AMD1: variants seen among roughly 807,000 people sequenced by gnomAD.
AMD1 encodes the protein adenosylmethionine decarboxylase 1.
In AMD1, 11 loss-of-function variants were observed where a neutral mutation model predicts 40.2. That is an observed-to-expected ratio of 0.27 (90% confidence interval 0.17 to 0.45). The LOEUF is 0.45. Ranked by LOEUF, AMD1 falls within the 20% of genes least tolerant of loss-of-function variation. The pLI is 1.00. For missense variants in AMD1, 257 were observed against 410.2 expected, an observed-to-expected ratio of 0.63 and a Z score of 3.23; for synonymous variants, 121 against 130.8, an observed-to-expected ratio of 0.93 and a Z score of 0.51.
At chr6:110,827,671 A>G in the AMD1 span, among the ~76,000 whole-genome samples, 1 of 151,644 alleles carries the variant, frequency 6.6e-6, no homozygotes, top group Admixed American at 6.6e-5. Context: ...AGGTTGAGGC[A>G]GGAGAATTGC....
chr6:110,859,418 C>T, the AMD1 span, among the ~76,000 whole-genome samples: 1 of 152,124 alleles, frequency 6.6e-6, no homozygotes, highest in African/African-American at 2.4e-5. Flanking sequence ...GTGGGCCGAG[C>T]AGTGCTGGGG....
At chr6:110,816,141 T>C in the AMD1 span, among the ~76,000 whole-genome samples, 1 of 152,354 alleles carries the variant, frequency 6.6e-6, no homozygotes, top group Middle Eastern at 3.4e-3. Flanking sequence ...ATGCAACTTC[T>C]GAGCCCCAGC....
the AMD1 span, among the ~76,000 whole-genome samples, chr6:110,827,878 T>A: frequency 6.6e-6 from 1 of 152,220 alleles, no homozygotes; most frequent in Non-Finnish European, 1.5e-5. Flanking sequence ...CAAATTTCAT[T>A]CTTAAACATT....
At chr6:110,850,094 T>C in the AMD1 span, among the ~76,000 whole-genome samples, 1 of 151,232 alleles carries the variant, frequency 6.6e-6, no homozygotes. Flanking sequence ...CCAGAGAAGT[T>C]CCACAATAAC....
chr6:110,876,383 C>A (rs1245633617), intron 1 of AMD1, among the ~76,000 whole-genome samples: 6 of 152,302 alleles, frequency 3.9e-5, no homozygotes, highest in Admixed American at 3.9e-4. Context: ...GACCAATGGG[C>A]TCCTGGGCCG....
At chr6:110,883,899 A>G (rs2341567) in intron 1 of AMD1, among the ~76,000 whole-genome samples, 20 of 152,156 alleles carry the variant, frequency 1.3e-4, no homozygotes, top group African/African-American at 4.8e-4. Context: ...CCAAAGCCCT[A>G]TTTTTATAGG....
At chr6:110,883,750 C>A (rs1336988547) in intron 1 of AMD1, among the ~76,000 whole-genome samples, 1 of 151,980 alleles carries the variant, frequency 6.6e-6, no homozygotes, top group Non-Finnish European at 1.5e-5. Flanking sequence ...CGCCACCATG[C>A]CCAGCTAATT....
the AMD1 span, among the ~76,000 whole-genome samples, chr6:110,850,947 A>G: frequency 6.6e-6 from 1 of 152,178 alleles, no homozygotes; most frequent in Non-Finnish European, 1.5e-5. Context: ...ATAAAAGGTT[A>G]TATAATATTT....
At chr6:110,893,173 C>T in intron 8 of AMD1, 108 bp downstream of exon 8, 2 of 1,034,664 alleles carry the variant, frequency 1.9e-6, no homozygotes, top group Non-Finnish European at 2.8e-6. Context: ...ATACCAGCCA[C>T]TCAGATATCC....
At chr6:110,874,783 T>C (rs1785003700), upstream of AMD1, 1 of 208,864 alleles carries the variant, frequency 4.8e-6, no homozygotes, top group South Asian at 1.1e-4. Flanking sequence ...CGCAGCGCTC[T>C]CGCTTACACA....
the AMD1 span, among the ~76,000 whole-genome samples, chr6:110,867,277 T>C: frequency 6.6e-6 from 1 of 152,028 alleles, no homozygotes; most frequent in Non-Finnish European, 1.5e-5. Context: ...GCTTCCCAAA[T>C]AGCTGGGACT....
At chr6:110,881,205 A>T (rs1562335901) in intron 1 of AMD1, among the ~76,000 whole-genome samples, 2 of 152,156 alleles carry the variant, frequency 1.3e-5, no homozygotes, top group African/African-American at 4.8e-5. Flanking sequence ...AAATTAGGGT[A>T]TCTCAACCTC....
At chr6:110,871,984 A>T (rs1784925970), upstream of AMD1, among the ~76,000 whole-genome samples, 1 of 152,186 alleles carries the variant, frequency 6.6e-6, no homozygotes, top group Non-Finnish European at 1.5e-5. Context: ...AAAAAGAGAG[A>T]TGTCACGAAA....
At chr6:110,872,579 ATATT>A, upstream of AMD1, among the ~76,000 whole-genome samples, 1 of 152,204 alleles carries the variant, frequency 6.6e-6, no homozygotes, top group Non-Finnish European at 1.5e-5. Context: ...GTTCAGGAAA[ATATT>A]TAAGCAAAGA....
At chr6:110,855,332 A>G in the AMD1 span, among the ~76,000 whole-genome samples, 2 of 152,184 alleles carry the variant, frequency 1.3e-5, no homozygotes, top group Admixed American at 1.3e-4. Context: ...ACCTGCAACC[A>G]GGATTTAATA....
chr6:110,849,475 C>G, the AMD1 span, among the ~76,000 whole-genome samples: 1 of 152,242 alleles, frequency 6.6e-6, no homozygotes, highest in South Asian at 2.1e-4. Flanking sequence ...TTAAAAAGGG[C>G]TAACTTGAAG....
At chr6:110,885,803 T>C (rs921756577) in intron 1 of AMD1, among the ~76,000 whole-genome samples, 2 of 152,206 alleles carry the variant, frequency 1.3e-5, no homozygotes, top group African/African-American at 4.8e-5. Flanking sequence ...TGGATGGGTA[T>C]TGGTACGCAG....
chr6:110,859,088 G>C, the AMD1 span: 2 of 1,293,564 alleles, frequency 1.5e-6, no homozygotes, highest in Non-Finnish European at 2.2e-6. Flanking sequence ...CCTCGGGCGC[G>C]CAGGCTCGGG....
chr6:110,866,400 T>C, the AMD1 span, among the ~76,000 whole-genome samples: 2 of 152,216 alleles, frequency 1.3e-5, no homozygotes, highest in African/African-American at 4.8e-5. Context: ...GGCAGTTTAA[T>C]GGAAGAGCAG....
Sources: gnomAD v4.1 joint callset for allele counts (sites outside exome capture counted in the v4.1 genomes callset) on GRCh38, gnomAD v4.1.1 for gene constraint, MANE v1.5 for transcripts, NCBI Gene and HGNC (gene_info 2026-07-23, HGNC 2026-07-21) for gene names.